TSHZ2: variants seen among roughly 807,000 people sequenced by gnomAD.
The protein encoded by TSHZ2 is teashirt zinc finger homeobox 2, also known as teashirt homolog 2.
TSHZ2 carries 21 observed loss-of-function variants against 74.4 expected under a neutral mutation model. That is an observed-to-expected ratio of 0.28 (90% CI 0.20 to 0.41). The LOEUF is 0.41. Ranked by LOEUF, TSHZ2 falls within the 10% of genes least tolerant of loss-of-function variation. TSHZ2 has a pLI of 1.00. For synonymous variants in TSHZ2, 540 were observed against 515.3 expected, an observed-to-expected ratio of 1.05 and a Z score of -0.65; for missense variants, 1,244 against 1,293.5, an observed-to-expected ratio of 0.96 and a Z score of 0.59.
chr20:53,187,099 C>T (rs1456020874), intron 1 of TSHZ2, among the ~76,000 whole-genome samples: 1 of 152,016 alleles, frequency 6.6e-6, no homozygotes, highest in East Asian at 1.9e-4. Flanking sequence ...TTTTAGAATC[C>T]AATATAGCAT....
At position 53,490,768 on chromosome 20, in the gene TSHZ2, G is replaced by A. The variant is rs1461782694; in HGVS notation, c.*3633G>A. Reference sequence around the variant, plus strand: ...ATCTGAGAAGCATTTATGTAACTCCGGTTAAGTGGTGAGGAGGGGTGTGTG... The same window carrying A: ...ATCTGAGAAGCATTTATGTAACTCCAGTTAAGTGGTGAGGAGGGGTGTGTG... On this transcript the variant is annotated 3_prime_UTR_variant, in exon 3 of 3. Transcript: ENST00000371497. 3 of 152,210 alleles carry A rather than the reference G, an allele frequency of 2.0e-5. No homozygotes were observed. The highest frequency in any genetic ancestry group is 2.9e-5 in the Non-Finnish European group (2 of 68,050). 9.4% of individuals were successfully genotyped at this position (152,210 alleles called of 1,614,324 possible).
chr20:53,047,733 A>T (rs924072970), intron 1 of TSHZ2, among the ~76,000 whole-genome samples: 1 of 152,182 alleles, frequency 6.6e-6, no homozygotes, highest in Admixed American at 6.5e-5. Flanking sequence ...GAGCAAAAAA[A>T]AACCATTCTT....
rs866745449 is a variant in TSHZ2, at chr20:53,155,078, T to G, written c.41-98421T>G. ...TTTTTTTTTTTTTTTTTTTTTTTAGTTTTGTCAGGAACTACATAAAGGTTA... is the reference window on the plus strand; with the variant it reads ...TTTTTTTTTTTTTTTTTTTTTTTAGGTTTGTCAGGAACTACATAAAGGTTA... On this transcript the variant is annotated intron_variant, in intron 1 of 2. Transcript: ENST00000371497. 5.4e-3 allele frequency among the ~76,000 whole-genome samples: 803 copies of G among 147,934 alleles called. 7 individuals carry two copies. Among genetic ancestry groups the G allele is most frequent in the African/African-American group, 0.02 (777 of 39,286 alleles).
chr20:53,026,931 G>A (rs991170866), intron 1 of TSHZ2, among the ~76,000 whole-genome samples: 3 of 151,128 alleles, frequency 2.0e-5, no homozygotes, highest in African/African-American at 7.3e-5. Flanking sequence ...TGAACCCAGG[G>A]GTTCATAAGT....
chr20:53,035,467 A>C (rs1052187424), intron 1 of TSHZ2, among the ~76,000 whole-genome samples: 1 of 152,218 alleles, frequency 6.6e-6, no homozygotes, highest in Non-Finnish European at 1.5e-5. Context: ...GGAACTTGCT[A>C]TAAAAACTCA....
chr20:53,271,371 T>C (rs1290381087), intron 2 of TSHZ2, among the ~76,000 whole-genome samples: 2 of 152,182 alleles, frequency 1.3e-5, no homozygotes, highest in African/African-American at 4.8e-5. Context: ...TAAAATTAAA[T>C]ACAACCCACT....
rs201090347 is a variant in TSHZ2, at chr20:53,458,812, C to T, written c.*9-28332C>T. ...AACATCTTCATTTCTGCCTTCATTT[C>T]GTTATGTACCCAGTAGTCATTCAGG... On this transcript the variant is annotated intron_variant, in intron 2 of 2. Coordinates refer to ENST00000371497, the MANE Select transcript of TSHZ2 (RefSeq NM_173485.6). Among the ~76,000 whole-genome samples, 23 of 152,030 alleles carry T rather than the reference C, an allele frequency of 1.5e-4. No homozygotes were observed. The East Asian group carries it at 3.9e-3, about 26-fold the overall frequency.
At chr20:53,132,762 CTTAAA>C (rs950816944) in intron 1 of TSHZ2, among the ~76,000 whole-genome samples, 17 of 152,078 alleles carry the variant, frequency 1.1e-4, no homozygotes, top group African/African-American at 2.7e-4. Context: ...GCCTATTGTG[CTTAAA>C]TTATTCACTA....
chr20:53,134,474 A>G (rs1987191838), intron 1 of TSHZ2, among the ~76,000 whole-genome samples: 1 of 152,174 alleles, frequency 6.6e-6, no homozygotes, highest in Non-Finnish European at 1.5e-5. Context: ...TCATCATTTG[A>G]CACTTTTTAT....
chr20:53,225,425 T>A (rs528865881), intron 1 of TSHZ2, among the ~76,000 whole-genome samples: 11 of 152,210 alleles, frequency 7.2e-5, no homozygotes, highest in Non-Finnish European at 1.5e-4. Context: ...GATTGACCCA[T>A]TAACGGAGAG....
intron 1 of TSHZ2, among the ~76,000 whole-genome samples, chr20:53,084,704 TC>T (rs1985644040): frequency 1.7e-5 from 2 of 120,598 alleles, no homozygotes; most frequent in South Asian, 3.4e-4. Context: ...TCTCCCTCTC[TC>T]CCTCTCTCCT....
At chr20:53,262,274 T>C (rs767872615) in intron 2 of TSHZ2, among the ~76,000 whole-genome samples, 12 of 152,152 alleles carry the variant, frequency 7.9e-5, no homozygotes, top group Non-Finnish European at 2.9e-5. Flanking sequence ...TTTTCTACTT[T>C]CTAGGAGACA....
Position 53,254,202 on chromosome 20 carries a change from C to T in TSHZ2, c.744C>T (p.Asp248=). The T allele has an allele frequency of 1.9e-6, 3 of 1,614,158 alleles. No individual in the cohort carries two copies. The highest frequency in any genetic ancestry group is 3.3e-4 in the Middle Eastern group (2 of 6,062). Residue 248 remains aspartate (D), a synonymous_variant, in exon 2 of 3, where the codon GAC becomes GAT. Coordinates refer to ENST00000371497, the MANE Select transcript of TSHZ2 (RefSeq NM_173485.6). ...ATCAAGATGACAACCGCAAAAAGGACAAGCTCAGACCCACGAGCTATTCAA... is the reference window on the plus strand; with the variant it reads ...ATCAAGATGACAACCGCAAAAAGGATAAGCTCAGACCCACGAGCTATTCAA... ...GHYQDDNRKK[D]KLRPTSYSKP...
At chr20:53,216,297 T>C (rs764461466) in intron 1 of TSHZ2, among the ~76,000 whole-genome samples, 2 of 152,166 alleles carry the variant, frequency 1.3e-5, no homozygotes, top group Admixed American at 6.5e-5. Flanking sequence ...CAAGCCATTG[T>C]TGGCTCCTAA....
chr20:53,481,973 G>A (rs6126857), intron 2 of TSHZ2, among the ~76,000 whole-genome samples: 8,309 of 151,862 alleles, frequency 0.055, 566 homozygotes, highest in East Asian at 0.18. Context: ...GCATGGTGGC[G>A]TATGCCTGTA....
chr20:53,411,771 G>T (rs1983061981), intron 2 of TSHZ2, among the ~76,000 whole-genome samples: 1 of 152,146 alleles, frequency 6.6e-6, no homozygotes, highest in Non-Finnish European at 1.5e-5. Flanking sequence ...CAAGGCTGCA[G>T]TGAGCTCTGT....
intron 2 of TSHZ2, among the ~76,000 whole-genome samples, chr20:53,287,261 T>G (rs2145448827): frequency 6.6e-6 from 1 of 152,352 alleles, no homozygotes; most frequent in South Asian, 2.1e-4. Flanking sequence ...TCTCTAATTG[T>G]TCATTTGAAT....
chr20:53,200,552 GAC>G (rs1160170641), intron 1 of TSHZ2, among the ~76,000 whole-genome samples: 1 of 152,238 alleles, frequency 6.6e-6, no homozygotes, highest in African/African-American at 2.4e-5. Context: ...ATGCATTAAA[GAC>G]AAGAGTGCTG....
intron 1 of TSHZ2, among the ~76,000 whole-genome samples, chr20:52,993,824 G>T (rs889154603): frequency 2.0e-5 from 3 of 152,242 alleles, no homozygotes; most frequent in Non-Finnish European, 4.4e-5. Flanking sequence ...CCAATTTGTG[G>T]ATTGAGATGT....
Sources: allele counts gnomAD v4.1 joint callset (sites outside exome capture counted in the v4.1 genomes callset), GRCh38; gene constraint gnomAD v4.1.1; transcripts MANE v1.5; gene names NCBI Gene and HGNC (gene_info 2026-07-23, HGNC 2026-07-21).